Variants in MAGI2 observed in about 807,000 individuals in gnomAD.
MAGI2 encodes membrane associated guanylate kinase, WW and PDZ domain containing 2.
Under a neutral mutation model 133.3 loss-of-function variants are expected in MAGI2, and 35 were observed. The observed-to-expected ratio is 0.26, with a 90% CI of 0.20 to 0.35. The LOEUF (loss-of-function observed/expected upper bound fraction) is 0.35. Among genes scored for constraint, MAGI2 ranks in the 10% least tolerant of loss-of-function variants. MAGI2 has a pLI of 1.00. For missense variants in MAGI2, 1,636 were observed against 1,863.4 expected, an observed-to-expected ratio of 0.88 and a Z score of 2.25; for synonymous variants, 729 against 710.6, an observed-to-expected ratio of 1.03 and a Z score of -0.41.
At chr7:79,016,598 C>A (rs1333824727) in intron 1 of MAGI2, among the ~76,000 whole-genome samples, 2 of 152,160 alleles carry the variant, frequency 1.3e-5, no homozygotes, top group Admixed American at 6.5e-5. Flanking sequence ...CATTGCTTTG[C>A]TGAGGCAGGT....
At chr7:79,255,226 T>A (rs556559212) in intron 1 of MAGI2, among the ~76,000 whole-genome samples, 46 of 152,298 alleles carry the variant, frequency 3.0e-4, no homozygotes, top group African/African-American at 1.1e-3. Flanking sequence ...TTTGTCATGG[T>A]CTATTTATTT....
At chr7:78,987,206 C>A (rs573871140) in intron 2 of MAGI2, among the ~76,000 whole-genome samples, 1 of 151,972 alleles carries the variant, frequency 6.6e-6, no homozygotes, top group Admixed American at 6.6e-5. Context: ...TACACTGCTT[C>A]ATGACTTTAG....
At chr7:78,533,158 AAAGGTGTATATT>A (rs1797609143) in intron 3 of MAGI2, among the ~76,000 whole-genome samples, 1 of 152,164 alleles carries the variant, frequency 6.6e-6, no homozygotes, top group Non-Finnish European at 1.5e-5. Context: ...TTAAAGGTGT[AAAGGTGTATATT>A]TTACTGAGGT....
At chr7:78,020,963 G>A (rs368565005) in intron 21 of MAGI2, among the ~76,000 whole-genome samples, 93 of 152,138 alleles carry the variant, frequency 6.1e-4, no homozygotes, top group African/African-American at 1.9e-3. Context: ...ATTTACTTAG[G>A]ATTTAAGTTA....
intron 3 of MAGI2, among the ~76,000 whole-genome samples, chr7:78,546,342 G>T (rs1395110126): frequency 1.3e-5 from 2 of 151,814 alleles, no homozygotes; most frequent in Non-Finnish European, 2.9e-5. Context: ...CACAATATTT[G>T]CTATAAGATC....
At chr7:78,361,809 G>A (rs1327890643) in intron 7 of MAGI2, among the ~76,000 whole-genome samples, 2 of 152,146 alleles carry the variant, frequency 1.3e-5, no homozygotes, top group Admixed American at 6.5e-5. Context: ...TAAGGGTGGC[G>A]GAGTATGAGT....
intron 1 of MAGI2, among the ~76,000 whole-genome samples, chr7:79,373,211 G>T (rs1220934037): frequency 6.6e-6 from 1 of 151,282 alleles, no homozygotes; most frequent in Non-Finnish European, 1.5e-5. Flanking sequence ...TTATTACCAG[G>T]GTAATAACTC....
intron 1 of MAGI2, among the ~76,000 whole-genome samples, chr7:79,409,198 C>G (rs1057426233): frequency 6.6e-6 from 1 of 152,072 alleles, no homozygotes; most frequent in African/African-American, 2.4e-5. Flanking sequence ...CAACTAGGAA[C>G]TTAATAGAGG....
At chr7:78,188,409 T>C (rs1827894232) in intron 12 of MAGI2, among the ~76,000 whole-genome samples, 1 of 152,146 alleles carries the variant, frequency 6.6e-6, no homozygotes, top group South Asian at 2.1e-4. Flanking sequence ...AATCATAACA[T>C]ACATTATACT....
At chr7:78,718,574 C>G (rs1563403423) in intron 2 of MAGI2, among the ~76,000 whole-genome samples, 2 of 151,780 alleles carry the variant, frequency 1.3e-5, no homozygotes, top group Non-Finnish European at 2.9e-5. Context: ...TTATGAGAAT[C>G]TAATGCCTGA....
intron 4 of MAGI2, among the ~76,000 whole-genome samples, chr7:78,506,001 G>T (rs893891400): frequency 1.3e-5 from 2 of 152,102 alleles, no homozygotes; most frequent in East Asian, 1.9e-4. Flanking sequence ...ATTTGGAAGT[G>T]TGTCCTGAGA....
intron 5 of MAGI2, among the ~76,000 whole-genome samples, chr7:78,500,772 T>A (rs1200201461): frequency 2.0e-5 from 3 of 152,214 alleles, no homozygotes; most frequent in Non-Finnish European, 4.4e-5. Context: ...TACTGACATC[T>A]GACACTGGGG....
chr7:78,705,164 A>G (rs1267188753), intron 2 of MAGI2, among the ~76,000 whole-genome samples: 1 of 152,034 alleles, frequency 6.6e-6, no homozygotes, highest in Non-Finnish European at 1.5e-5. Context: ...ATCCCCACAT[A>G]TCAATGGAGG....
intron 2 of MAGI2, among the ~76,000 whole-genome samples, chr7:78,741,293 T>C (rs1585255337): frequency 6.6e-6 from 1 of 150,860 alleles, no homozygotes; most frequent in African/African-American, 2.4e-5. Context: ...CAGTGTCTGG[T>C]AGAAGAAACA....
intron 2 of MAGI2, among the ~76,000 whole-genome samples, chr7:78,719,627 G>A (rs1273334350): frequency 1.3e-5 from 2 of 152,182 alleles, no homozygotes; most frequent in Non-Finnish European, 2.9e-5. Flanking sequence ...TACTTTCAAC[G>A]ACAAAGGTCA....
At chr7:79,111,284 C>A (rs1297301406) in intron 1 of MAGI2, among the ~76,000 whole-genome samples, 5 of 152,156 alleles carry the variant, frequency 3.3e-5, no homozygotes, top group African/African-American at 1.2e-4. Flanking sequence ...AAACGTTGTA[C>A]TCATTTCAAA....
At chr7:78,414,416 A>G (rs765342522) in intron 6 of MAGI2, among the ~76,000 whole-genome samples, 1 of 152,092 alleles carries the variant, frequency 6.6e-6, no homozygotes, top group African/African-American at 2.4e-5. Flanking sequence ...GAAATGCACT[A>G]AATATAAGGG....
chr7:78,547,925 G>A (rs1267021914), intron 3 of MAGI2, among the ~76,000 whole-genome samples: 1 of 152,204 alleles, frequency 6.6e-6, no homozygotes, highest in Non-Finnish European at 1.5e-5. Context: ...ACTGACCTTA[G>A]GAACTGGTGA....
At chr7:78,175,892 A>G (rs1191789488) in intron 14 of MAGI2, among the ~76,000 whole-genome samples, 2 of 152,226 alleles carry the variant, frequency 1.3e-5, no homozygotes, top group Non-Finnish European at 2.9e-5. Context: ...CGGCAGACAC[A>G]TGAACAATCC....
Sources: allele counts gnomAD v4.1 joint callset (sites outside exome capture counted in the v4.1 genomes callset), GRCh38; gene constraint gnomAD v4.1.1; transcripts MANE v1.5; gene names NCBI Gene and HGNC (gene_info 2026-07-23, HGNC 2026-07-21).